The following CAST variants were observed in gnomAD, a reference collection of about 807,000 sequenced individuals.
The protein encoded by CAST is MIR583 host.
Under a neutral mutation model 119.6 loss-of-function variants are expected in CAST, and 76 were observed. The observed-to-expected ratio is 0.64, with a 90% CI of 0.53 to 0.77. The LOEUF is 0.77. CAST is among the 30% of genes least tolerant of loss of function. The probability of loss-of-function intolerance (pLI) is 0.00; values close to 1 mark genes in which losing one functional copy is unlikely to be tolerated. For missense variants in CAST, 953 were observed against 946.5 expected (o/e 1.01, Z -0.09); for synonymous variants, 319 against 331.6 (o/e 0.96, Z 0.41).
At chr5:96,527,072 T>C (rs1213981852), upstream of CAST, among the ~76,000 whole-genome samples, 1 of 152,158 alleles carries the variant, frequency 6.6e-6, no homozygotes, top group Non-Finnish European at 1.5e-5. Flanking sequence ...CATCTGGTGC[T>C]CAGTAGATCT....
the CAST span, among the ~76,000 whole-genome samples, chr5:96,466,363 A>C: frequency 6.6e-6 from 1 of 152,232 alleles, no homozygotes; most frequent in East Asian, 1.9e-4. Flanking sequence ...CAAAACTGGA[A>C]GTACAATAAG....
At chr5:96,021,640 G>A in the CAST span, among the ~76,000 whole-genome samples, 1 of 152,066 alleles carries the variant, frequency 6.6e-6, no homozygotes, top group Admixed American at 6.6e-5. Context: ...TAGAGGCGGG[G>A]TTTCACTGTG....
intron 1 of CAST, among the ~76,000 whole-genome samples, chr5:96,592,602 A>C (rs561337329): frequency 6.6e-6 from 1 of 152,018 alleles, no homozygotes; most frequent in Non-Finnish European, 1.5e-5. Context: ...GTTTCTCTCT[A>C]TAGTTTTTTT....
chr5:96,607,322 A>T (rs888485552), intron 1 of CAST, among the ~76,000 whole-genome samples: 2 of 152,182 alleles, frequency 1.3e-5, no homozygotes, highest in Non-Finnish European at 2.9e-5. Flanking sequence ...GTATTAAGGT[A>T]TTATAGTAAG....
At chr5:96,749,898 T>A (rs73138663) in intron 19 of CAST, among the ~76,000 whole-genome samples, 1 of 152,212 alleles carries the variant, frequency 6.6e-6, no homozygotes, top group African/African-American at 2.4e-5. Flanking sequence ...TCTCAAACTT[T>A]AGCATGCATC....
chr5:96,024,002 G>A, the CAST span, among the ~76,000 whole-genome samples: 2 of 152,088 alleles, frequency 1.3e-5, no homozygotes, highest in African/African-American at 4.8e-5. Flanking sequence ...AGTAAGTTCA[G>A]CCAAGAAATG....
intron 1 of CAST, among the ~76,000 whole-genome samples, chr5:96,610,512 C>T (rs574304427): frequency 5.9e-5 from 9 of 152,224 alleles, no homozygotes; most frequent in African/African-American, 2.2e-4. Flanking sequence ...ATCAAAGGAA[C>T]ATACCTCAAA....
chr5:96,754,633 A>G (rs1263597060), intron 21 of CAST, 25 bp from the exon 22 acceptor site: 1 of 1,414,244 alleles, frequency 7.1e-7, no homozygotes, highest in Non-Finnish European at 9.9e-7. Context: ...CATGCTAACA[A>G]TGAAAATGGT....
chr5:96,085,806 A>G, the CAST span, among the ~76,000 whole-genome samples: 1 of 152,190 alleles, frequency 6.6e-6, no homozygotes, highest in Non-Finnish European at 1.5e-5. Flanking sequence ...TGGATCAGCT[A>G]CCGACTTTTT....
the CAST span, among the ~76,000 whole-genome samples, chr5:96,285,628 T>C: frequency 6.6e-6 from 1 of 152,206 alleles, no homozygotes; most frequent in Non-Finnish European, 1.5e-5. Flanking sequence ...CAGAAATATC[T>C]AGGATTTGAG....
chr5:96,379,480 T>C, the CAST span: 1 of 151,896 alleles, frequency 6.6e-6, no homozygotes, highest in East Asian at 1.9e-4. Flanking sequence ...AAAAATGGAG[T>C]TTATGAAGTA....
chr5:96,080,327 A>G, the CAST span, among the ~76,000 whole-genome samples: 1 of 152,318 alleles, frequency 6.6e-6, no homozygotes, highest in Admixed American at 6.5e-5. Flanking sequence ...TTTTAAAAAT[A>G]TTAATGCTAT....
At chr5:96,300,087 G>A in the CAST span, among the ~76,000 whole-genome samples, 8 of 151,950 alleles carry the variant, frequency 5.3e-5, no homozygotes, top group Non-Finnish European at 1.2e-4. Flanking sequence ...TTCCTCTGTT[G>A]TGCAGAAGTT....
chr5:96,619,637 A>G (rs558758079), intron 1 of CAST, among the ~76,000 whole-genome samples: 3 of 152,338 alleles, frequency 2.0e-5, no homozygotes, highest in East Asian at 1.9e-4. Context: ...GAAGGTCTAC[A>G]GCTTCACTCC....
intron 1 of CAST, among the ~76,000 whole-genome samples, chr5:96,563,316 T>C (rs182503344): frequency 1.2e-3 from 176 of 152,356 alleles, no homozygotes; most frequent in African/African-American, 3.1e-3. Flanking sequence ...CTTGCTAATC[T>C]GTCTTTTGTC....
At chr5:96,551,634 A>C (rs1746127959) in intron 1 of CAST, among the ~76,000 whole-genome samples, 2 of 152,278 alleles carry the variant, frequency 1.3e-5, no homozygotes, top group South Asian at 2.1e-4. Flanking sequence ...AAATTGGATA[A>C]AGAGTCAAGA....
At chr5:96,379,751 T>TC in the CAST span, 3 of 152,212 alleles carry the variant, frequency 2.0e-5, no homozygotes, top group East Asian at 3.8e-4. Context: ...ATACATAGAA[T>TC]TTATATGTTT....
At chr5:96,001,199 T>C in the CAST span, among the ~76,000 whole-genome samples, 1 of 152,224 alleles carries the variant, frequency 6.6e-6, no homozygotes, top group African/African-American at 2.4e-5. Flanking sequence ...TGCCAGACAC[T>C]GTGAGGCACT....
chr5:96,359,649 T>C, the CAST span, among the ~76,000 whole-genome samples: 1 of 152,200 alleles, frequency 6.6e-6, no homozygotes, highest in Non-Finnish European at 1.5e-5. Context: ...TTAAGAATGT[T>C]GAATATTGGC....
Sources: allele counts gnomAD v4.1 joint callset (sites outside exome capture counted in the v4.1 genomes callset), GRCh38; gene constraint gnomAD v4.1.1; transcripts MANE v1.5; gene names NCBI Gene and HGNC (gene_info 2026-07-23, HGNC 2026-07-21).